The following UBASH3B variants were observed in gnomAD, a reference collection of about 807,000 sequenced individuals.
UBASH3B encodes the protein ubiquitin-associated and SH3 domain-containing protein B.
Under a neutral mutation model 83.4 loss-of-function variants are expected in UBASH3B, and 37 were observed. The ratio of observed to expected loss-of-function variants is 0.44; its 90% CI spans 0.34 to 0.58. The LOEUF (loss-of-function observed/expected upper bound fraction) is 0.58, where lower values mean the gene tolerates loss of function less well. UBASH3B is among the 20% of genes least tolerant of loss of function. The pLI is 0.01. For synonymous variants in UBASH3B, 304 were observed against 318.3 expected, an observed-to-expected ratio of 0.96 and a Z score of 0.48; for missense variants, 657 against 827.2, an observed-to-expected ratio of 0.79 and a Z score of 2.52.
chr11:122,717,490 A>G (rs1294025013), intron 1 of UBASH3B, among the ~76,000 whole-genome samples: 1 of 152,220 alleles, frequency 6.6e-6, no homozygotes, highest in African/African-American at 2.4e-5. Context: ...CCTCCACCAC[A>G]TGCATTAGGC....
chr11:122,694,538 T>G (rs1863936962), intron 1 of UBASH3B, among the ~76,000 whole-genome samples: 1 of 151,966 alleles, frequency 6.6e-6, no homozygotes, highest in Non-Finnish European at 1.5e-5. Context: ...GGCACTGCAG[T>G]CCAGTCTGGG....
chr11:122,802,313 G>GAAAAAAAAAA (rs147011358), intron 11 of UBASH3B, among the ~76,000 whole-genome samples: 2 of 66,220 alleles, frequency 3.0e-5, no homozygotes, highest in Non-Finnish European at 6.3e-5. Context: ...GACTCTGTCT[G>GAAAAAAAAAA]AAAAAAAAAA....
At chr11:122,790,392 T>C (rs941313573) in intron 6 of UBASH3B, among the ~76,000 whole-genome samples, 2 of 152,126 alleles carry the variant, frequency 1.3e-5, no homozygotes, top group African/African-American at 4.8e-5. Context: ...CCTCCAGAAT[T>C]GGATGGCACA....
rs1282524665 is a variant in UBASH3B, at chr11:122,758,486, G to T, written c.162-17733G>T. On this transcript the variant is annotated intron_variant, in intron 1 of 13. Coordinates refer to ENST00000284273, the MANE Select transcript of UBASH3B (RefSeq NM_032873.5). The surrounding 1 kb of genome is among the most constrained non-coding windows in gnomAD (Gnocchi z 4.2). ...CCCAGACAGGCCTAGCCTGCTTAGAGTCGGGACAGCTGGAAAGGGCAGTCA... is the reference window on the plus strand; with the variant it reads ...CCCAGACAGGCCTAGCCTGCTTAGATTCGGGACAGCTGGAAAGGGCAGTCA... Among the ~76,000 whole-genome samples, 1 of 152,312 alleles carries T rather than the reference G, an allele frequency of 6.6e-6. No individual in the cohort carries two copies. The highest frequency in any genetic ancestry group is 2.1e-4 in the South Asian group (1 of 4,822).
intron 1 of UBASH3B, among the ~76,000 whole-genome samples, chr11:122,659,245 G>A (rs1426318633): frequency 6.6e-6 from 1 of 152,136 alleles, no homozygotes; most frequent in African/African-American, 2.4e-5. Flanking sequence ...ATTAGGATGT[G>A]GGTGTCTTTT....
Position 122,721,373 on chromosome 11 carries a change from C to CG in UBASH3B, c.162-54839dup, listed in dbSNP as rs200889314. Among the ~76,000 whole-genome samples, 305 of 150,960 alleles carry CG rather than the reference C, an allele frequency of 2.0e-3. 3 individuals carry two copies. In the East Asian group the frequency reaches 0.037, roughly 19 times the overall value. ...AGTAAGCAAATCTTCCACAGCACTA[C>CG]GGGGGGGTGGGAGTGGGAATGTGGT... On this transcript the variant is annotated intron_variant, in intron 1 of 13. Coordinates refer to ENST00000284273, the MANE Select transcript of UBASH3B (RefSeq NM_032873.5).
intron 6 of UBASH3B, among the ~76,000 whole-genome samples, chr11:122,793,459 C>T (rs1861095466): frequency 6.6e-6 from 1 of 152,138 alleles, no homozygotes; most frequent in Admixed American, 6.6e-5. Context: ...AAACGGGTTG[C>T]CTCATCAACA....
chr11:122,736,100 GGCAGT>G (rs1171753857), intron 1 of UBASH3B, among the ~76,000 whole-genome samples: 1 of 152,158 alleles, frequency 6.6e-6, no homozygotes, highest in Non-Finnish European at 1.5e-5. Flanking sequence ...AAAGGGGAAA[GGCAGT>G]GCAGTTCAGC....
At chr11:122,756,082 C>T (rs188056748) in intron 1 of UBASH3B, among the ~76,000 whole-genome samples, 21 of 152,112 alleles carry the variant, frequency 1.4e-4, no homozygotes, top group Admixed American at 1.0e-3. Context: ...AGCATTAACA[C>T]GTGTTGGCCT....
chr11:122,714,366 C>A (rs1864239587), intron 1 of UBASH3B, among the ~76,000 whole-genome samples: 1 of 152,236 alleles, frequency 6.6e-6, no homozygotes, highest in South Asian at 2.1e-4. Context: ...ATCGGCCTTC[C>A]TGAAATTGCT....
chr11:122,744,632 T>C (rs1443583152), intron 1 of UBASH3B, among the ~76,000 whole-genome samples: 2 of 151,728 alleles, frequency 1.3e-5, no homozygotes, highest in East Asian at 1.9e-4. Flanking sequence ...TGAGTGACCA[T>C]GTGTGTGACA....
chr11:122,794,426 C>CA (rs1158423392), intron 6 of UBASH3B, among the ~76,000 whole-genome samples: 1 of 152,172 alleles, frequency 6.6e-6, no homozygotes, highest in Non-Finnish European at 1.5e-5. Context: ...AGGCTGGTCT[C>CA]AAACTCCTGA....
chr11:122,794,541 A>AT (rs1396444774), intron 6 of UBASH3B, among the ~76,000 whole-genome samples, 161 bp from the exon 7 acceptor site: 1 of 152,052 alleles, frequency 6.6e-6, no homozygotes, highest in African/African-American at 2.4e-5. Context: ...AAAACAAGGT[A>AT]TTTTTCCCTT....
At chr11:122,779,252 G>T in intron 3 of UBASH3B, 1 of 563,030 alleles carries the variant, frequency 1.8e-6, no homozygotes. Flanking sequence ...GTTCACGGGG[G>T]CCACTTCACA....
chr11:122,681,637 C>T (rs1863740653), intron 1 of UBASH3B, among the ~76,000 whole-genome samples: 1 of 152,080 alleles, frequency 6.6e-6, no homozygotes, highest in African/African-American at 2.4e-5. Flanking sequence ...ACTGGGATAG[C>T]ATGCTGTCTG....
chr11:122,741,620 G>A (rs535604746), intron 1 of UBASH3B, among the ~76,000 whole-genome samples: 14 of 152,262 alleles, frequency 9.2e-5, no homozygotes, highest in South Asian at 6.2e-4. Flanking sequence ...AGACATTTGC[G>A]TTATGAGGCC....
chr11:122,809,969 A>ACT lies in UBASH3B; in HGVS notation c.*86_*87dup. ...AAAACAGTGGGAAAATCCACACCAC[A>ACT]CTCTAAGTGGACAGCTCAGAATAAT... On this transcript the variant is annotated 3_prime_UTR_variant, in exon 14 of 14. Coordinates refer to ENST00000284273, the MANE Select transcript of UBASH3B (RefSeq NM_032873.5). 2 of 1,491,858 alleles carry ACT rather than the reference A, an allele frequency of 1.3e-6. No individual in the cohort carries two copies. The highest frequency in any genetic ancestry group is 1.8e-6 in the Non-Finnish European group (2 of 1,094,258). The allele number at this position is 1,491,858 out of a possible 1,614,324, so 92.4% of individuals were successfully genotyped here.
intron 1 of UBASH3B, among the ~76,000 whole-genome samples, chr11:122,707,241 G>GACC (rs1591778766): frequency 6.6e-6 from 1 of 152,086 alleles, no homozygotes; most frequent in East Asian, 1.9e-4. Context: ...TACTTTCTTG[G>GACC]AAGCCATTAG....
chr11:122,687,049 G>C (rs574259832), intron 1 of UBASH3B, among the ~76,000 whole-genome samples: 1 of 152,090 alleles, frequency 6.6e-6, no homozygotes, highest in South Asian at 2.1e-4. Context: ...TGTATTTTTA[G>C]TAGAGATGGG....
Sources: gnomAD v4.1 joint callset for allele counts (sites outside exome capture counted in the v4.1 genomes callset) on GRCh38, gnomAD v4.1.1 for gene constraint, Gnocchi (gnomAD v3.1) non-coding constraint, MANE v1.5 for transcripts, NCBI Gene and HGNC (gene_info 2026-07-23, HGNC 2026-07-21) for gene names.